NANOG: variants seen among roughly 807,000 people sequenced by gnomAD.
The protein encoded by NANOG is Nanog homeobox.
A neutral mutation model predicts 17.7 loss-of-function variants in NANOG; 2 were observed. The observed-to-expected ratio is 0.11, with a 90% CI of 0.05 to 0.36. The LOEUF is 0.36. Among genes scored for constraint, NANOG ranks in the 10% least tolerant of loss-of-function variants. The probability of loss-of-function intolerance (pLI) is 1.00; values close to 1 mark genes in which losing one functional copy is unlikely to be tolerated. For missense variants in NANOG, 174 were observed against 362.1 expected (o/e 0.48, Z 4.22); for synonymous variants, 81 against 124.7 (o/e 0.65, Z 2.33).
chr12:7,793,877 G>C (rs1246386121), intron 2 of NANOG, among the ~76,000 whole-genome samples: 2 of 150,930 alleles, frequency 1.3e-5, no homozygotes, highest in Non-Finnish European at 3.0e-5. Flanking sequence ...AAGTAGCTGG[G>C]ATTACAGGCG....
chr12:7,795,274 G>A lies in NANOG; in HGVS notation c.*179G>A, dbSNP rs1592118687. 1 of 450,366 alleles carries A rather than the reference G, an allele frequency of 2.2e-6. No homozygotes were observed. Among genetic ancestry groups the A allele is most frequent in the Non-Finnish European group, 3.8e-6 (1 of 259,922 alleles). The allele number at this position is 450,366 out of a possible 1,614,324, so 27.9% of individuals were successfully genotyped here. ...GTATGGTTGGAGCCTAATCAGCGAG[G>A]TTTCTTTTTTTTTTTTTTTCCTATT... On this transcript the variant is annotated 3_prime_UTR_variant, in exon 4 of 4. Transcript: ENST00000229307.
At chr12:7,789,953 G>A (rs761973452) in intron 1 of NANOG, among the ~76,000 whole-genome samples, 188 bp downstream of exon 1, 1 of 152,246 alleles carries the variant, frequency 6.6e-6, no homozygotes, top group South Asian at 2.1e-4. Flanking sequence ...TTTGAACTAT[G>A]TCCCAGGTCT....
intron 2 of NANOG, among the ~76,000 whole-genome samples, chr12:7,794,196 C>T (rs1862884508): frequency 6.6e-6 from 1 of 152,208 alleles, no homozygotes; most frequent in Non-Finnish European, 1.5e-5. Context: ...GTCTCAGCCT[C>T]CTGAGAAGCT....
chr12:7,791,943 C>CTGG (rs1200710818), intron 1 of NANOG, among the ~76,000 whole-genome samples: 1 of 152,166 alleles, frequency 6.6e-6, no homozygotes. Context: ...GTCACCCAGG[C>CTGG]TGGAGTGCAG....
intron 1 of NANOG, 114 bp downstream of exon 1, chr12:7,789,879 A>AG: frequency 9.0e-7 from 1 of 1,107,932 alleles, no homozygotes; most frequent in Non-Finnish European, 1.3e-6. Flanking sequence ...ACTATAAAGA[A>AG]GTGTTATTAT....
At chr12:7,792,729 A>G (rs1399175994) in intron 1 of NANOG, among the ~76,000 whole-genome samples, 1 of 152,116 alleles carries the variant, frequency 6.6e-6, no homozygotes, top group African/African-American at 2.4e-5. Context: ...ATCTCTCCCA[A>G]CGCAGTCTAT....
At chr12:7,793,643 C>G (rs2120570634) in intron 2 of NANOG, among the ~76,000 whole-genome samples, 1 of 152,064 alleles carries the variant, frequency 6.6e-6, no homozygotes, top group East Asian at 1.9e-4. Flanking sequence ...TTGTTTATTA[C>G]TTGTTGGCCA....
chr12:7,795,247 G>A lies in NANOG; in HGVS notation c.*152G>A, dbSNP rs1348805827. 1 of 617,894 alleles carries A rather than the reference G, an allele frequency of 1.6e-6. No homozygotes were observed. The highest frequency in any genetic ancestry group is 2.8e-6 in the Non-Finnish European group (1 of 350,990). The allele number at this position is 617,894 out of a possible 1,614,324, so 38.3% of individuals were successfully genotyped here. ...CATCCAGTCAATCTCATGGAGGGTG[G>A]AGTATGGTTGGAGCCTAATCAGCGA... On this transcript the variant is annotated 3_prime_UTR_variant, in exon 4 of 4. Coordinates refer to ENST00000229307, the MANE Select transcript of NANOG (RefSeq NM_024865.4).
Position 7,789,757 on chromosome 12 carries a change from C to A in NANOG, c.143C>A (p.Thr48Lys). 6.2e-7 allele frequency: 1 copy of A among 1,613,396 alleles called. No individual in the cohort carries two copies. The highest frequency in any genetic ancestry group is 8.5e-7 in the Non-Finnish European group (1 of 1,179,982). Residue 48 changes from threonine (T) to lysine (K), a missense_variant, in exon 1 of 4, where the codon ACG (threonine) becomes AAG (lysine). Thr to Lys is a moderately conservative substitution (Grantham distance 78). Around this residue, in one of 2 missense-constraint regions of NANOG, gnomAD observed 158 missense variants for 244.2 expected, o/e 0.65. Coordinates refer to ENST00000229307, the MANE Select transcript of NANOG (RefSeq NM_024865.4). ...LQMSSAEMPHTETVSPLPSSM... is the reference protein window; with the variant it reads ...LQMSSAEMPHKETVSPLPSSM... ...ATGTCTTCTGCTGAGATGCCTCACA[C>A]GGAGACTGGTAAGAAAGAAATTTAT...
rs780039465 is a variant in NANOG at position 7,795,178 on chromosome 12, A to C, written c.*83A>C. The stretch of plus-strand genomic sequence containing the variant: ...CTCCCCTCCTCCCATCCCTCATAGG[A>C]TTTTTCTTGTTTGGAAACCACGTGT... On this transcript the variant is annotated 3_prime_UTR_variant, in exon 4 of 4. Transcript: ENST00000229307. The C allele has an allele frequency of 4.5e-6, 7 of 1,565,378 alleles. No individual in the cohort carries two copies. The East Asian group carries it at 1.3e-4, about 30-fold the overall frequency.
intron 2 of NANOG, among the ~76,000 whole-genome samples, 161 bp downstream of exon 2, chr12:7,793,373 C>A (rs1406040820): frequency 7.0e-6 from 1 of 142,854 alleles, no homozygotes; most frequent in Non-Finnish European, 1.5e-5. Flanking sequence ...TCCTTCACCT[C>A]TTTCTTTCCT....
At chr12:7,790,181 G>A (rs1300865856) in intron 1 of NANOG, among the ~76,000 whole-genome samples, 1 of 107,162 alleles carries the variant, frequency 9.3e-6, no homozygotes, top group Non-Finnish European at 2.3e-5. Context: ...GCTCAGGGAT[G>A]AGCATGATTT....
In NANOG at chr12:7,793,229, C is replaced by G. The variant is rs778993036; in HGVS notation, c.414+17C>G. On this transcript the variant is annotated intron_variant, in intron 2 of 3. Transcript: ENST00000229307. ...TACAAACAGGTAGGCTTGTTTTGTC[C>G]TTGGAATAAGGTGAACAAAAATTGG... 43 of 1,613,246 alleles carry G rather than the reference C, an allele frequency of 2.7e-5. No homozygotes were observed. In the East Asian group the frequency reaches 7.6e-4, roughly 28 times the overall value.
Position 7,795,248 on chromosome 12 carries a change from A to G in NANOG, c.*153A>G, listed in dbSNP as rs1262206493. 6.9e-5 allele frequency: 41 copies of G among 590,188 alleles called. No individual in the cohort carries two copies. Among genetic ancestry groups the G allele is most frequent in the Middle Eastern group, 4.6e-4 (1 of 2,190 alleles). 36.6% of individuals were successfully genotyped at this position (590,188 alleles called of 1,614,324 possible). A position where few individuals can be genotyped will look rare whatever the true frequency, so the allele number is the denominator to read the frequency against. ...ATCCAGTCAATCTCATGGAGGGTGG[A>G]GTATGGTTGGAGCCTAATCAGCGAG... On this transcript the variant is annotated 3_prime_UTR_variant, in exon 4 of 4. Transcript: ENST00000229307.
intron 1 of NANOG, among the ~76,000 whole-genome samples, chr12:7,791,148 G>T (rs1476798999): frequency 2.1e-5 from 3 of 145,970 alleles, no homozygotes; most frequent in African/African-American, 2.5e-5. Context: ...TCATTCTGTT[G>T]CCCACGCGGG....
Position 7,797,916 on chromosome 12 carries a change from GT to G in NANOG, c.*2822del, listed in dbSNP as rs1427170358. On this transcript the variant is annotated 3_prime_UTR_variant, in exon 4 of 4. Coordinates refer to ENST00000229307, the MANE Select transcript of NANOG (RefSeq NM_024865.4). ...AGTCTACCAGCCTTGGCCTCCCGAA[GT>G]GCTGAGATTACAGGCATGAGTCACC... 8.2e-6 allele frequency: 1 copy of G among 122,130 alleles called. No individual in the cohort carries two copies. 7.6% of individuals were successfully genotyped at this position (122,130 alleles called of 1,614,324 possible). A position where few individuals can be genotyped will look rare whatever the true frequency, so the allele number is the denominator to read the frequency against.
intron 1 of NANOG, among the ~76,000 whole-genome samples, chr12:7,790,098 C>A (rs1334057773): frequency 8.3e-6 from 1 of 120,296 alleles, no homozygotes; most frequent in African/African-American, 3.3e-5. Flanking sequence ...ATGTGTACAT[C>A]TTCACATAGT....
rs1034869961 is a variant in NANOG at position 7,796,344 on chromosome 12, G to T, written c.*1249G>T. 2 of 79,624 alleles carry T rather than the reference G, an allele frequency of 2.5e-5. No individual in the cohort carries two copies. Among genetic ancestry groups the T allele is most frequent in the African/African-American group, 5.9e-5 (2 of 33,914 alleles). 4.9% of individuals were successfully genotyped at this position (79,624 alleles called of 1,614,324 possible). A position where few individuals can be genotyped will look rare whatever the true frequency, so the allele number is the denominator to read the frequency against. ...ATAATAAATAAATATGCCAGTTTTA[G>T]AATGAATGAATAATAAATATGCCAG... is the stretch of plus-strand genomic sequence containing the variant. On this transcript the variant is annotated 3_prime_UTR_variant, in exon 4 of 4. Transcript: ENST00000229307.
In NANOG at chr12:7,798,481, T is replaced by C. The variant is rs1344139649; in HGVS notation, c.*3386T>C. 2 of 152,240 alleles carry C rather than the reference T, an allele frequency of 1.3e-5. No individual in the cohort carries two copies. Among genetic ancestry groups the C allele is most frequent in the African/African-American group, 4.8e-5 (2 of 41,462 alleles). The allele number at this position is 152,240 out of a possible 1,614,324, so 9.4% of individuals were successfully genotyped here. ...TCCTTTCTTTTCCCAAAAGGAGGTG[T>C]GTGTTACTTCCAATGCTATATTTTA... On this transcript the variant is annotated 3_prime_UTR_variant, in exon 4 of 4. Transcript: ENST00000229307.
Sources: allele counts gnomAD v4.1 joint callset (sites outside exome capture counted in the v4.1 genomes callset), GRCh38; gene constraint gnomAD v4.1.1; regional missense constraint gnomAD v4.1.1; transcripts MANE v1.5; gene names NCBI Gene and HGNC (gene_info 2026-07-23, HGNC 2026-07-21).